Variants in PRKCB observed in about 807,000 individuals in gnomAD.
PRKCB encodes the protein protein kinase C beta, also known as protein kinase C beta type.
In PRKCB, 13 loss-of-function variants were observed where a neutral mutation model predicts 81.5. The ratio of observed to expected loss-of-function variants is 0.16; its 90% CI spans 0.10 to 0.25. The LOEUF (loss-of-function observed/expected upper bound fraction) is 0.25. PRKCB is among the 10% of genes least tolerant of loss of function. PRKCB has a pLI of 1.00. For synonymous variants in PRKCB, 335 were observed against 321.4 expected (o/e 1.04, Z -0.45); for missense variants, 509 against 875.7 (o/e 0.58, Z 5.29).
chr16:24,185,518 T>C lies in PRKCB; in HGVS notation c.1673T>C (p.Val558Ala), dbSNP rs1460808228. 1 of 1,614,036 alleles carries C rather than the reference T, an allele frequency of 6.2e-7. No individual in the cohort carries two copies. Among genetic ancestry groups the C allele is most frequent in the Non-Finnish European group, 8.5e-7 (1 of 1,179,994 alleles). ...TTCCAATCCATCATGGAACACAACG[T>C]AGCCTATCCCAAGTCTATGTCCAAG... The part of the protein sequence containing the change: ...ELFQSIMEHN[V>A]AYPKSMSKEA... Residue 558 changes from valine to alanine, a missense_variant, in exon 15 of 17, where the codon GTA (valine) becomes GCA (alanine). This residue lies in a region of PRKCB where 104 missense variants were observed against 160.5 expected (regional missense o/e 0.65). Transcript: ENST00000643927.
chr16:24,138,371 A>T (rs901832877), intron 9 of PRKCB, among the ~76,000 whole-genome samples: 10 of 152,206 alleles, frequency 6.6e-5, no homozygotes, highest in Non-Finnish European at 7.3e-5. Context: ...CAGGACTTTA[A>T]GGGTTTCATT....
chr16:23,837,240 T>C (rs1962179423), intron 1 of PRKCB, 135 bp from the exon 2 acceptor site: 1 of 1,097,458 alleles, frequency 9.1e-7, no homozygotes, highest in Non-Finnish European at 1.4e-6. Context: ...CGGAAGACTC[T>C]TGGGCACCCG....
Position 24,075,634 on chromosome 16 carries a change from T to C in PRKCB, c.530-17157T>C, listed in dbSNP as rs147980392. Among the ~76,000 whole-genome samples, 280 of 152,338 alleles carry C rather than the reference T, an allele frequency of 1.8e-3. 2 individuals are homozygous for C. Among genetic ancestry groups the C allele is most frequent in the Middle Eastern group, 6.8e-3 (2 of 294 alleles). Reference sequence around the variant, plus strand: ...CAACTCTTAAACAAAAGCCTATGATTCTAATGTCAGAAATCCTATCTGTAG... The same window carrying C: ...CAACTCTTAAACAAAAGCCTATGATCCTAATGTCAGAAATCCTATCTGTAG... On this transcript the variant is annotated intron_variant, in intron 5 of 16. Transcript: ENST00000643927.
chr16:24,216,433 C>T lies in PRKCB; in HGVS notation c.*1617C>T. ...GAGGATTAAGGCAGCAGGTGACTCC[C>T]CCTCCTCGCCTGCCGTGTCCTGCTA... On this transcript the variant is annotated 3_prime_UTR_variant, in exon 17 of 17. Transcript: ENST00000643927. 1.0e-6 allele frequency: 1 copy of T among 985,420 alleles called. No homozygotes were observed. Among genetic ancestry groups the T allele is most frequent in the Non-Finnish European group, 1.2e-6 (1 of 829,934 alleles). 61.0% of individuals were successfully genotyped at this position (985,420 alleles called of 1,614,324 possible). A position where few individuals can be genotyped will look rare whatever the true frequency, so the allele number is the denominator to read the frequency against.
chr16:24,083,153 A>G (rs138053661), intron 5 of PRKCB, among the ~76,000 whole-genome samples: 2 of 152,362 alleles, frequency 1.3e-5, no homozygotes, highest in Non-Finnish European at 2.9e-5. Flanking sequence ...ACTTACTAGA[A>G]TGGCTAAAAT....
At chr16:24,028,853 C>A (rs914639273) in intron 3 of PRKCB, among the ~76,000 whole-genome samples, 1 of 151,956 alleles carries the variant, frequency 6.6e-6, no homozygotes, top group Non-Finnish European at 1.5e-5. Context: ...TGCAGTAGCA[C>A]GATCTCGGCT....
chr16:24,137,492 T>C (rs1268086383), intron 9 of PRKCB, among the ~76,000 whole-genome samples: 1 of 152,304 alleles, frequency 6.6e-6, no homozygotes, highest in African/African-American at 2.4e-5. Context: ...CTGGGCCCTG[T>C]GTTTTCTCTA....
chr16:23,929,148 C>T lies in PRKCB; in HGVS notation c.206-59360C>T, dbSNP rs142804693. The stretch of plus-strand genomic sequence containing the variant: ...GATGGCTCAGAGGAGAGAAAGTGTA[C>T]GATGTTTTCAGGACAAATTAGTCCT... On this transcript the variant is annotated intron_variant, in intron 2 of 16. Transcript: ENST00000643927. Among the ~76,000 whole-genome samples the T allele has an allele frequency of 2.9e-3, 436 of 152,064 alleles. 5 individuals are homozygous for T. Among genetic ancestry groups the T allele is most frequent in the East Asian group, 6.2e-3 (32 of 5,176 alleles).
At chr16:24,189,902 A>G (rs1234738123) in intron 15 of PRKCB, among the ~76,000 whole-genome samples, 1 of 152,160 alleles carries the variant, frequency 6.6e-6, no homozygotes, top group Non-Finnish European at 1.5e-5. Context: ...TCAACTCTGG[A>G]AAGCTTTTGG....
chr16:24,012,207 G>A (rs774865360), intron 3 of PRKCB, among the ~76,000 whole-genome samples: 2 of 152,196 alleles, frequency 1.3e-5, no homozygotes, highest in Admixed American at 6.5e-5. Context: ...TAGCTGACAT[G>A]TATGTAGCAC....
At chr16:24,023,177 T>G (rs1965428582) in intron 3 of PRKCB, among the ~76,000 whole-genome samples, 1 of 151,580 alleles carries the variant, frequency 6.6e-6, no homozygotes, top group Non-Finnish European at 1.5e-5. Flanking sequence ...CTTCCCACCT[T>G]GGCTGGGATT....
intron 7 of PRKCB, 45 bp from the exon 8 acceptor site, chr16:24,112,928 C>G (rs768632460): frequency 7.7e-7 from 1 of 1,302,638 alleles, no homozygotes; most frequent in East Asian, 2.4e-5. Context: ...AAAATAATAC[C>G]GAGTCGAGTC....
chr16:24,172,747 AAACTC>A (rs773901133), intron 11 of PRKCB, among the ~76,000 whole-genome samples: 4 of 152,228 alleles, frequency 2.6e-5, no homozygotes, highest in South Asian at 4.2e-4. Flanking sequence ...AAATAAAACA[AAACTC>A]AAAGCTCTAA....
chr16:23,859,013 C>T (rs1423480390), intron 2 of PRKCB, among the ~76,000 whole-genome samples: 2 of 152,106 alleles, frequency 1.3e-5, no homozygotes, highest in Non-Finnish European at 2.9e-5. Flanking sequence ...TGCTTATATT[C>T]ACAGCTACTT....
At chr16:24,119,295 G>A (rs1196446727) in intron 8 of PRKCB, among the ~76,000 whole-genome samples, 2 of 152,020 alleles carry the variant, frequency 1.3e-5, no homozygotes, top group Non-Finnish European at 2.9e-5. Context: ...GAGGGATGAG[G>A]CTGTTAGCTG....
At position 24,120,192 on chromosome 16, in the gene PRKCB, C is replaced by G. The variant is rs1022160791; in HGVS notation, c.919-3643C>G. On this transcript the variant is annotated intron_variant, in intron 8 of 16. Coordinates refer to ENST00000643927, the MANE Select transcript of PRKCB (RefSeq NM_002738.7). ...ACTGGAACAGAGATTGCCTTAGTGG[C>G]GGGGGTTGCGGGGGGCGTCGACTGG... Among the ~76,000 whole-genome samples, 3 of 151,962 alleles carry G rather than the reference C, an allele frequency of 2.0e-5. No individual in the cohort carries two copies. The East Asian group carries it at 5.8e-4, about 29-fold the overall frequency.
intron 3 of PRKCB, among the ~76,000 whole-genome samples, chr16:24,008,443 T>C (rs1965158546): frequency 6.6e-6 from 1 of 152,266 alleles, no homozygotes; most frequent in Non-Finnish European, 1.5e-5. Flanking sequence ...GTTTAGAATT[T>C]GGAATCAAGG....
chr16:23,954,776 G>A (rs765585090), intron 2 of PRKCB, among the ~76,000 whole-genome samples: 28 of 152,190 alleles, frequency 1.8e-4, no homozygotes, highest in Non-Finnish European at 2.1e-4. Context: ...GTCAAGCTGG[G>A]TGTAGCGGCT....
chr16:24,135,492 T>A (rs955108714), intron 9 of PRKCB, among the ~76,000 whole-genome samples: 2 of 151,864 alleles, frequency 1.3e-5, no homozygotes, highest in African/African-American at 4.8e-5. Context: ...TTTATGTTTT[T>A]AATAGAGACA....
Sources: gnomAD v4.1 joint callset for allele counts (sites outside exome capture counted in the v4.1 genomes callset) on GRCh38, gnomAD v4.1.1 for gene constraint, gnomAD v4.1.1 regional missense constraint, MANE v1.5 for transcripts, NCBI Gene and HGNC (gene_info 2026-07-23, HGNC 2026-07-21) for gene names.